The following RAD23B variants were observed in gnomAD, a reference collection of about 807,000 sequenced individuals.
RAD23B encodes lysine-specific demethylase RAD23B.
In RAD23B, 5 loss-of-function variants were observed where a neutral mutation model predicts 49.1. That is an observed-to-expected ratio of 0.10 (90% CI 0.05 to 0.21). The LOEUF is 0.21. Ranked by LOEUF, RAD23B falls within the 10% of genes least tolerant of loss-of-function variation. RAD23B has a pLI of 1.00. For synonymous variants in RAD23B, 184 were observed against 165.4 expected, an observed-to-expected ratio of 1.11 and a Z score of -0.86; for missense variants, 356 against 486.7, an observed-to-expected ratio of 0.73 and a Z score of 2.53.
At chr9:107,307,282 G>A (rs1329291043) in intron 4 of RAD23B, among the ~76,000 whole-genome samples, 1 of 152,236 alleles carries the variant, frequency 6.6e-6, no homozygotes, top group Non-Finnish European at 1.5e-5. Context: ...CTTGTGGGAA[G>A]TTGACAGCAG....
chr9:107,288,314 T>C (rs536846540), intron 1 of RAD23B, among the ~76,000 whole-genome samples: 1 of 152,332 alleles, frequency 6.6e-6, no homozygotes, highest in Non-Finnish European at 1.5e-5. Context: ...GCTGTGATGG[T>C]ATGTGCATTC....
chr9:107,291,054 C>T (rs1480072012), intron 1 of RAD23B, among the ~76,000 whole-genome samples: 1 of 152,194 alleles, frequency 6.6e-6, no homozygotes, highest in Non-Finnish European at 1.5e-5. Flanking sequence ...CTTTATAAAA[C>T]TTGTAAACAT....
chr9:107,286,571 A>C (rs1249404928), intron 1 of RAD23B, among the ~76,000 whole-genome samples: 2 of 152,208 alleles, frequency 1.3e-5, no homozygotes, highest in Non-Finnish European at 2.9e-5. Flanking sequence ...ATTGTAATGC[A>C]AGCCTTCTTA....
rs924132375 is a variant in RAD23B at position 107,322,110 on chromosome 9, G to T, written c.809G>T (p.Ser270Ile). The T allele has an allele frequency of 6.2e-7, 1 of 1,601,676 alleles. No individual in the cohort carries two copies. Residue 270 changes from serine (S) to isoleucine (I), a missense_variant, in exon 7 of 10, where the codon AGT (serine) becomes ATT (isoleucine). Coordinates refer to ENST00000358015, the MANE Select transcript of RAD23B (RefSeq NM_002874.5). The stretch of plus-strand genomic sequence containing the variant: ...ACGACAGCAACAACTACAACAACAA[G>T]TTCTGGAGGTAAAGCGGAATCTTCT... ...ATTTATTTTT[S>I]SGGHPLEFLR...
At chr9:107,289,384 A>G (rs1833340312) in intron 1 of RAD23B, among the ~76,000 whole-genome samples, 1 of 151,654 alleles carries the variant, frequency 6.6e-6, no homozygotes, top group Non-Finnish European at 1.5e-5. Context: ...TGGGGTCTTG[A>G]TGTTTTATCC....
At chr9:107,320,118 A>G (rs1361728049) in intron 6 of RAD23B, among the ~76,000 whole-genome samples, 1 of 152,154 alleles carries the variant, frequency 6.6e-6, no homozygotes, top group African/African-American at 2.4e-5. Context: ...TGCCTCCACC[A>G]TTTATTTGCC....
chr9:107,329,678 C>T lies in RAD23B; in HGVS notation c.*22C>T. The T allele has an allele frequency of 1.3e-6, 2 of 1,485,726 alleles. No individual in the cohort carries two copies. Among genetic ancestry groups the T allele is most frequent in the Non-Finnish European group, 1.9e-6 (2 of 1,065,532 alleles). The allele number at this position is 1,485,726 out of a possible 1,614,324, so 92.0% of individuals were successfully genotyped here. A position where few individuals can be genotyped will look rare whatever the true frequency, so the allele number is the denominator to read the frequency against. On this transcript the variant is annotated 3_prime_UTR_variant, in exon 10 of 10. Coordinates refer to ENST00000358015, the MANE Select transcript of RAD23B (RefSeq NM_002874.5). Reference sequence around the variant, plus strand: ...TTGAAAGGGACTTTTTTATATCTCACACTTCACACCAGTGCATTACACTAA... The same window carrying T: ...TTGAAAGGGACTTTTTTATATCTCATACTTCACACCAGTGCATTACACTAA...
Position 107,283,834 on chromosome 9 carries a change from T to G in RAD23B, c.66+139T>G, listed in dbSNP as rs1441557897. 5 of 943,378 alleles carry G rather than the reference T, an allele frequency of 5.3e-6. No homozygotes were observed. The African/African-American group carries it at 7.0e-5, about 13-fold the overall frequency. 58.4% of individuals were successfully genotyped at this position (943,378 alleles called of 1,614,324 possible). On this transcript the variant is annotated intron_variant, in intron 1 of 9. Transcript: ENST00000358015. The stretch of plus-strand genomic sequence containing the variant: ...GGGCCCTGGGTCCTGGTGCCGGCCC[T>G]GGCGGCGTACAGCGGAGCCGATCCT...
intron 1 of RAD23B, among the ~76,000 whole-genome samples, chr9:107,293,172 C>T (rs945806430): frequency 1.3e-5 from 2 of 151,842 alleles, no homozygotes; most frequent in Admixed American, 6.5e-5. Context: ...TGGCTGGCTT[C>T]TCCCAGTGTT....
chr9:107,302,556 G>A (rs1826676306), intron 3 of RAD23B, among the ~76,000 whole-genome samples: 1 of 151,784 alleles, frequency 6.6e-6, no homozygotes, highest in African/African-American at 2.4e-5. Flanking sequence ...TACAGTGATA[G>A]TTCTTAGTGA....
chr9:107,299,339 G>A (rs11573656), intron 1 of RAD23B, among the ~76,000 whole-genome samples: 10 of 152,112 alleles, frequency 6.6e-5, no homozygotes, highest in African/African-American at 2.2e-4. Flanking sequence ...AAGGCAAATG[G>A]GAAAGCCATC....
intron 4 of RAD23B, among the ~76,000 whole-genome samples, chr9:107,310,001 G>A (rs959830344): frequency 1.1e-4 from 17 of 151,638 alleles, no homozygotes; most frequent in Non-Finnish European, 2.9e-5. Flanking sequence ...TGTCTTACCG[G>A]ATTTTAAAAT....
At chr9:107,285,126 C>G (rs1007776723) in intron 1 of RAD23B, among the ~76,000 whole-genome samples, 1 of 152,158 alleles carries the variant, frequency 6.6e-6, no homozygotes, top group Non-Finnish European at 1.5e-5. Flanking sequence ...TGATTAACTT[C>G]TTAAAAGTAC....
Position 107,318,445 on chromosome 9 carries a change from C to G in RAD23B, c.554-307C>G, listed in dbSNP as rs1827037804. 6.6e-6 allele frequency among the ~76,000 whole-genome samples: 1 copy of G among 152,206 alleles called. No homozygotes were observed. Among genetic ancestry groups the G allele is most frequent in the Non-Finnish European group, 1.5e-5 (1 of 68,030 alleles). The stretch of plus-strand genomic sequence containing the variant: ...ACTATTAAGGATTCATGTCATTACA[C>G]TGGACCCACCTGGATAATCCAGAAT... On this transcript the variant is annotated intron_variant, in intron 5 of 9. Transcript: ENST00000358015. The surrounding 1 kb of genome is among the most constrained non-coding windows in gnomAD (Gnocchi z 4.3).
chr9:107,326,627 CTTTTT>C (rs796381629), intron 9 of RAD23B, among the ~76,000 whole-genome samples: 1 of 67,510 alleles, frequency 1.5e-5, no homozygotes, highest in Non-Finnish European at 2.8e-5. Flanking sequence ...TTTTGTATTT[CTTTTT>C]TTTTTTTTTT....
chr9:107,328,951 A>C (rs892852092), intron 9 of RAD23B, among the ~76,000 whole-genome samples: 1 of 152,200 alleles, frequency 6.6e-6, no homozygotes, highest in African/African-American at 2.4e-5. Flanking sequence ...TAAAAATAGA[A>C]CATTATCTTC....
chr9:107,309,932 A>C (rs78933604), intron 4 of RAD23B, among the ~76,000 whole-genome samples: 1 of 70,880 alleles, frequency 1.4e-5, no homozygotes, highest in African/African-American at 8.4e-5. Context: ...CTCCATCTCA[A>C]AAAAAAAAAA....
At chr9:107,302,166 AATG>A (rs779256576) in intron 3 of RAD23B, 52 bp downstream of exon 3, 10 of 1,605,774 alleles carry the variant, frequency 6.2e-6, no homozygotes, top group Non-Finnish European at 7.6e-6. Flanking sequence ...TCTTTTTAAA[AATG>A]ATGATCACAA....
chr9:107,331,892 C>T lies in RAD23B; in HGVS notation c.*2236C>T. The T allele has an allele frequency of 2.1e-6, 1 of 487,578 alleles. No individual in the cohort carries two copies. The highest frequency in any genetic ancestry group is 3.7e-6 in the Non-Finnish European group (1 of 273,786). 30.2% of individuals were successfully genotyped at this position (487,578 alleles called of 1,614,324 possible). A position where few individuals can be genotyped will look rare whatever the true frequency, so the allele number is the denominator to read the frequency against. On this transcript the variant is annotated 3_prime_UTR_variant, in exon 10 of 10. Transcript: ENST00000358015. ...CCATAAAAGAAATAGGCTTTTTGTGCCTTTTGCTGTTAATGTTTAATTTAC... is the reference window on the plus strand; with the variant it reads ...CCATAAAAGAAATAGGCTTTTTGTGTCTTTTGCTGTTAATGTTTAATTTAC...
Sources: allele counts gnomAD v4.1 joint callset (sites outside exome capture counted in the v4.1 genomes callset), GRCh38; gene constraint gnomAD v4.1.1; non-coding constraint Gnocchi (gnomAD v3.1); transcripts MANE v1.5; gene names NCBI Gene and HGNC (gene_info 2026-07-23, HGNC 2026-07-21).